The following TTLL5 variants were observed in gnomAD, a reference collection of about 807,000 sequenced individuals.
TTLL5 encodes the protein tubulin tyrosine ligase like 5.
Under a neutral mutation model 168.4 loss-of-function variants are expected in TTLL5, and 132 were observed. The ratio of observed to expected loss-of-function variants is 0.78; its 90% CI spans 0.68 to 0.91. The LOEUF (loss-of-function observed/expected upper bound fraction) is 0.91, where lower values mean the gene tolerates loss of function less well. Ranked by LOEUF, TTLL5 falls within the 40% of genes least tolerant of loss-of-function variation. The pLI is 0.00. For synonymous variants in TTLL5, 546 were observed against 558.6 expected (o/e 0.98, Z 0.32); for missense variants, 1,545 against 1,581.5 (o/e 0.98, Z 0.39).
intron 17 of TTLL5, among the ~76,000 whole-genome samples, chr14:75,750,777 TATTA>T (rs1365634155): frequency 6.6e-6 from 1 of 151,898 alleles, no homozygotes; most frequent in Non-Finnish European, 1.5e-5. Flanking sequence ...AAGTTAAATT[TATTA>T]ATTAGGCACA....
chr14:75,817,605 A>T (rs1894508138), intron 27 of TTLL5, among the ~76,000 whole-genome samples: 1 of 152,088 alleles, frequency 6.6e-6, no homozygotes, highest in Non-Finnish European at 1.5e-5. Flanking sequence ...AAAAAATCAT[A>T]ATTCTCTCAT....
intron 5 of TTLL5, chr14:75,683,988 G>A: frequency 4.1e-6 from 1 of 241,926 alleles, no homozygotes; most frequent in Non-Finnish European, 8.3e-6. Context: ...AGGCCAGGCT[G>A]GTCTCAAACT....
chr14:75,757,845 G>A (rs770575327), intron 18 of TTLL5: 3 of 1,592,668 alleles, frequency 1.9e-6, no homozygotes, highest in African/African-American at 2.7e-5. Context: ...AACCCAAGAA[G>A]AAGCTTATTG....
At position 75,902,244 on chromosome 14, in the gene TTLL5, T is replaced by C. The variant is rs1231275592; in HGVS notation, c.3823+20T>C. 7 of 1,612,992 alleles carry C rather than the reference T, an allele frequency of 4.3e-6. No individual in the cohort carries two copies. Among genetic ancestry groups the C allele is most frequent in the Non-Finnish European group, 5.9e-6 (7 of 1,179,138 alleles). On this transcript the variant is annotated intron_variant, in intron 31 of 31. Transcript: ENST00000298832. ...CTACAGGTTAGTGGGCACCAGCTCT[T>C]CTGCAACTGGATAGATGACAGGGAA...
At chr14:75,901,620 A>G (rs1425391396) in intron 30 of TTLL5, among the ~76,000 whole-genome samples, 1 of 152,146 alleles carries the variant, frequency 6.6e-6, no homozygotes, top group Admixed American at 6.6e-5. Context: ...TGCCAGTAGC[A>G]CCCCACAGTT....
intron 19 of TTLL5, 79 bp from the exon 20 acceptor site, chr14:75,765,983 A>G (rs1394074192): frequency 1.5e-6 from 2 of 1,349,846 alleles, no homozygotes; most frequent in Admixed American, 2.3e-5. Context: ...GGCTTTTACT[A>G]AAAAGAGAAA....
chr14:75,889,251 A>C (rs1471648288), intron 30 of TTLL5, among the ~76,000 whole-genome samples: 2 of 152,222 alleles, frequency 1.3e-5, no homozygotes, highest in Non-Finnish European at 2.9e-5. Flanking sequence ...TTTGAGGAGG[A>C]AGTATACAAA....
chr14:75,718,012 G>T (rs1164980976), intron 10 of TTLL5, 50 bp downstream of exon 10: 1 of 1,553,162 alleles, frequency 6.4e-7, no homozygotes. Flanking sequence ...CTCAGATGTG[G>T]GTGTTGTAGA....
At chr14:75,890,807 T>C (rs1326889632) in intron 30 of TTLL5, among the ~76,000 whole-genome samples, 4 of 152,088 alleles carry the variant, frequency 2.6e-5, no homozygotes, top group Non-Finnish European at 5.9e-5. Context: ...GCAGCCTCTG[T>C]CTCCCAGGTT....
intron 30 of TTLL5, among the ~76,000 whole-genome samples, chr14:75,888,216 G>A (rs1350401146): frequency 6.6e-6 from 1 of 152,288 alleles, no homozygotes; most frequent in Non-Finnish European, 1.5e-5. Flanking sequence ...CAGTCAGAGG[G>A]ATGGGTGCTA....
At chr14:75,876,589 C>G (rs2031498164) in intron 29 of TTLL5, among the ~76,000 whole-genome samples, 1 of 152,214 alleles carries the variant, frequency 6.6e-6, no homozygotes, top group Non-Finnish European at 1.5e-5. Context: ...TGCTTGGTCT[C>G]TCTATATGAA....
At chr14:75,941,822 T>A (rs1318325484) in intron 31 of TTLL5, among the ~76,000 whole-genome samples, 5 of 150,788 alleles carry the variant, frequency 3.3e-5, no homozygotes, top group Non-Finnish European at 5.9e-5. Context: ...CCTTCTTTAT[T>A]GGCAGAAAAT....
chr14:75,807,808 T>C (rs746956274), intron 27 of TTLL5, among the ~76,000 whole-genome samples: 22 of 152,226 alleles, frequency 1.4e-4, no homozygotes, highest in Non-Finnish European at 2.9e-4. Flanking sequence ...TGTTCCATGA[T>C]GTTGCTACAG....
At chr14:75,744,057 T>C (rs1262325706) in intron 15 of TTLL5, among the ~76,000 whole-genome samples, 2 of 152,162 alleles carry the variant, frequency 1.3e-5, no homozygotes, top group African/African-American at 4.8e-5. Flanking sequence ...ACAACGGGTG[T>C]TGCTAAAAAG....
At chr14:75,678,181 A>G (rs919212539) in intron 3 of TTLL5, among the ~76,000 whole-genome samples, 7 of 152,214 alleles carry the variant, frequency 4.6e-5, no homozygotes, top group African/African-American at 1.7e-4. Flanking sequence ...ATTTTTGTAC[A>G]CATTTTATTT....
At chr14:75,947,295 G>A (rs1319620523) in intron 31 of TTLL5, among the ~76,000 whole-genome samples, 1 of 152,182 alleles carries the variant, frequency 6.6e-6, no homozygotes, top group African/African-American at 2.4e-5. Context: ...AAAGAAAAAG[G>A]TTGGAAAAAG....
intron 5 of TTLL5, 25 bp from the exon 6 acceptor site, chr14:75,690,167 T>G (rs1885348597): frequency 6.2e-7 from 1 of 1,612,712 alleles, no homozygotes. Context: ...GTTTACTGAA[T>G]GGAAATACTT....
At chr14:75,790,654 G>C (rs531730480) in intron 26 of TTLL5, among the ~76,000 whole-genome samples, 112 of 151,588 alleles carry the variant, frequency 7.4e-4, no homozygotes, top group Non-Finnish European at 5.8e-4. Context: ...TTGTAGAGAA[G>C]AGATCTCACT....
chr14:75,915,135 A>C lies in TTLL5; in HGVS notation c.3823+12911A>C, dbSNP rs28435376. Among the ~76,000 whole-genome samples, 1,431 of 152,122 alleles carry C rather than the reference A, an allele frequency of 9.4e-3. 20 individuals are homozygous for C. Among genetic ancestry groups the C allele is most frequent in the African/African-American group, 0.033 (1,367 of 41,484 alleles). ...CCCTCTACATCACCTAACTAACTGGAATTGTTTATTGCACAGATCAGATTT... is the reference window on the plus strand; with the variant it reads ...CCCTCTACATCACCTAACTAACTGGCATTGTTTATTGCACAGATCAGATTT... On this transcript the variant is annotated intron_variant, in intron 31 of 31. Transcript: ENST00000298832.
Sources: allele counts gnomAD v4.1 joint callset (sites outside exome capture counted in the v4.1 genomes callset), GRCh38; gene constraint gnomAD v4.1.1; transcripts MANE v1.5; gene names NCBI Gene and HGNC (gene_info 2026-07-23, HGNC 2026-07-21).